The following GLYR1 variants were observed in gnomAD, a reference collection of about 807,000 sequenced individuals.
GLYR1 encodes glyoxylate reductase 1 homolog, also known as cytokine-like nuclear factor N-PAC.
GLYR1 carries 21 observed loss-of-function variants against 72.7 expected under a neutral mutation model. The observed-to-expected ratio is 0.29, with a 90% confidence interval of 0.20 to 0.42. The LOEUF is 0.42. GLYR1 is among the 10% of genes least tolerant of loss of function. GLYR1 has a pLI of 1.00. For synonymous variants in GLYR1, 392 were observed against 270.2 expected, an observed-to-expected ratio of 1.45 and a Z score of -4.42; for missense variants, 594 against 712.1, an observed-to-expected ratio of 0.83 and a Z score of 1.89.
chr16:4,833,685 G>T lies in GLYR1; in HGVS notation c.156-773C>A, dbSNP rs191698796. Reference sequence around the variant, plus strand: ...AGAAACAAGATGCTTGAGATTAAAGGTAGAAGAACATACACCTCCGATATG... The same window carrying T: ...AGAAACAAGATGCTTGAGATTAAAGTTAGAAGAACATACACCTCCGATATG... On this transcript the variant is annotated intron_variant, in intron 3 of 15. Coordinates refer to ENST00000321919, the MANE Select transcript of GLYR1 (RefSeq NM_032569.4). 8.6e-5 allele frequency among the ~76,000 whole-genome samples: 13 copies of T among 151,828 alleles called. 1 individual carries two copies. In the East Asian group the frequency reaches 2.3e-3, roughly 27 times the overall value.
At chr16:4,840,802 G>A (rs1264202375) in intron 3 of GLYR1, among the ~76,000 whole-genome samples, 1 of 152,158 alleles carries the variant, frequency 6.6e-6, no homozygotes, top group African/African-American at 2.4e-5. Context: ...CATTAGGCTG[G>A]TAACCAATCC....
chr16:4,842,332 C>A (rs972745952), intron 3 of GLYR1, among the ~76,000 whole-genome samples: 4 of 151,982 alleles, frequency 2.6e-5, no homozygotes, highest in Admixed American at 6.6e-5. Flanking sequence ...TGGCTCTCCA[C>A]TGAGCTCTCC....
chr16:4,821,300 A>G, intron 9 of GLYR1, 80 bp downstream of exon 9: 3 of 1,445,714 alleles, frequency 2.1e-6, no homozygotes, highest in East Asian at 2.3e-5. Flanking sequence ...CACAACCCTT[A>G]AAGAACCCCC....
At chr16:4,811,331 G>A (rs1337227751) in intron 14 of GLYR1, 37 bp from the exon 15 acceptor site, 4 of 1,610,766 alleles carry the variant, frequency 2.5e-6, no homozygotes, top group Non-Finnish European at 3.4e-6. Context: ...AAAAGCCAAG[G>A]ACCTGAAACT....
chr16:4,826,825 C>T (rs1015920268), intron 5 of GLYR1, among the ~76,000 whole-genome samples: 1 of 152,116 alleles, frequency 6.6e-6, no homozygotes, highest in Non-Finnish European at 1.5e-5. Context: ...GCTGGGGCAG[C>T]ACAGCTGTCT....
chr16:4,814,987 G>A (rs1451850892), intron 10 of GLYR1, among the ~76,000 whole-genome samples: 1 of 152,216 alleles, frequency 6.6e-6, no homozygotes, highest in Non-Finnish European at 1.5e-5. Flanking sequence ...TCAACACTCT[G>A]CTGGGAATGT....
chr16:4,845,264 GGACT>G (rs1177394494), intron 2 of GLYR1, 111 bp from the exon 3 acceptor site: 16 of 702,260 alleles, frequency 2.3e-5, no homozygotes, highest in Non-Finnish European at 2.8e-5. Flanking sequence ...TAAATTAAAA[GGACT>G]TACTTACAAA....
chr16:4,832,416 C>T lies in GLYR1; in HGVS notation c.295-195G>A, dbSNP rs1266257280. 6.0e-6 allele frequency: 4 copies of T among 663,366 alleles called. No homozygotes were observed. In the East Asian group the frequency reaches 1.1e-4, roughly 19 times the overall value. 41.1% of individuals were successfully genotyped at this position (663,366 alleles called of 1,614,324 possible). Reference sequence around the variant, plus strand: ...AAATATATATATCAAAAGTCACTTTCCCTATGTCCCAAAACTAGAAGAAAG... The same window carrying T: ...AAATATATATATCAAAAGTCACTTTTCCTATGTCCCAAAACTAGAAGAAAG... On this transcript the variant is annotated intron_variant, in intron 4 of 15. Coordinates refer to ENST00000321919, the MANE Select transcript of GLYR1 (RefSeq NM_032569.4).
intron 3 of GLYR1, among the ~76,000 whole-genome samples, chr16:4,842,858 C>T (rs1192264923): frequency 6.6e-6 from 1 of 152,076 alleles, no homozygotes; most frequent in African/African-American, 2.4e-5. Context: ...CACCACCACA[C>T]CCGACTAATT....
In GLYR1 at chr16:4,846,573, TG is replaced by T. The variant is rs569504565; in HGVS notation, c.39-364del. The T allele has an allele frequency of 1.4e-3, 390 of 285,620 alleles. 2 individuals are homozygous for T. The highest frequency in any genetic ancestry group is 7.8e-3 in the African/African-American group (361 of 46,336). The allele number at this position is 285,620 out of a possible 1,614,324, so 17.7% of individuals were successfully genotyped here. ...CCTGCCTGGCTTTGACAAATGCTAA[TG>T]GAAGCCTTCCTCTGGGTGGAGAAAC... On this transcript the variant is annotated intron_variant, in intron 1 of 15. Coordinates refer to ENST00000321919, the MANE Select transcript of GLYR1 (RefSeq NM_032569.4).
At chr16:4,806,623 C>T (rs1332710180) in intron 15 of GLYR1, among the ~76,000 whole-genome samples, 1 of 149,506 alleles carries the variant, frequency 6.7e-6, no homozygotes, top group Admixed American at 6.6e-5. Context: ...GACCCTGCCT[C>T]GACCCTGCCT....
At chr16:4,823,222 G>A (rs147513648) in intron 6 of GLYR1, among the ~76,000 whole-genome samples, 36 of 152,334 alleles carry the variant, frequency 2.4e-4, no homozygotes, top group Admixed American at 5.9e-4. Context: ...GCATACCTGT[G>A]CTTTATAAAT....
intron 1 of GLYR1, 38 bp downstream of exon 1, chr16:4,847,190 C>T (rs762272219): frequency 5.7e-6 from 9 of 1,578,006 alleles, no homozygotes; most frequent in Admixed American, 3.5e-5. Flanking sequence ...CGGGTAGCTC[C>T]CCGGCGCGTC....
intron 3 of GLYR1, among the ~76,000 whole-genome samples, chr16:4,835,747 C>T (rs2085089477): frequency 1.3e-5 from 2 of 152,316 alleles, no homozygotes; most frequent in Middle Eastern, 3.4e-3. Context: ...AGGAGAAACA[C>T]TTGAACCCAG....
At chr16:4,833,133 G>A (rs1209826091) in intron 3 of GLYR1, 3 of 395,118 alleles carry the variant, frequency 7.6e-6, no homozygotes, top group African/African-American at 4.1e-5. Flanking sequence ...CACCACCACT[G>A]CAGCAACCAC....
intron 14 of GLYR1, 134 bp from the exon 15 acceptor site, chr16:4,811,428 C>A (rs1318969613): frequency 7.5e-7 from 1 of 1,340,194 alleles, no homozygotes; most frequent in Non-Finnish European, 1.0e-6. Context: ...TGGCTCCTCA[C>A]TCACCCTTAG....
At position 4,847,211 on chromosome 16, in the gene GLYR1, C is replaced by T; in HGVS notation, c.38+17G>A. 2 of 1,599,940 alleles carry T rather than the reference C, an allele frequency of 1.3e-6. No homozygotes were observed. The highest frequency in any genetic ancestry group is 2.2e-5 in the South Asian group (2 of 89,646). On this transcript the variant is annotated intron_variant, in intron 1 of 15. Coordinates refer to ENST00000321919, the MANE Select transcript of GLYR1 (RefSeq NM_032569.4). ...GCTCCCCGGCGCGTCTCGGTTGGCCCGGCCGCTCGGACTCACCACACCAAG... is the reference window on the plus strand; with the variant it reads ...GCTCCCCGGCGCGTCTCGGTTGGCCTGGCCGCTCGGACTCACCACACCAAG...
chr16:4,837,785 G>C (rs1275248939), intron 3 of GLYR1, among the ~76,000 whole-genome samples: 1 of 151,968 alleles, frequency 6.6e-6, no homozygotes, highest in Admixed American at 6.6e-5. Context: ...TACAAAATTA[G>C]CTAGGTGCGG....
intron 12 of GLYR1, 42 bp from the exon 13 acceptor site, chr16:4,812,290 C>CAGAG: frequency 6.3e-7 from 1 of 1,589,730 alleles, no homozygotes; most frequent in Non-Finnish European, 8.5e-7. Context: ...TCCCCTCTCC[C>CAGAG]AGCGCTCTCT....
Sources: gnomAD v4.1 joint callset for allele counts (sites outside exome capture counted in the v4.1 genomes callset) on GRCh38, gnomAD v4.1.1 for gene constraint, MANE v1.5 for transcripts, NCBI Gene and HGNC (gene_info 2026-07-23, HGNC 2026-07-21) for gene names.